The following CFAP58 variants were observed in gnomAD, a reference collection of about 807,000 sequenced individuals.
CFAP58 encodes the protein cilia- and flagella-associated protein 58.
CFAP58 carries 88 observed loss-of-function variants against 119.5 expected under a neutral mutation model. The ratio of observed to expected loss-of-function variants is 0.74; its 90% CI spans 0.62 to 0.88. The LOEUF (loss-of-function observed/expected upper bound fraction) is 0.88. CFAP58 is among the 40% of genes least tolerant of loss of function. The pLI, the probability that CFAP58 is intolerant of heterozygous loss-of-function variation, is 0.00. For synonymous variants in CFAP58, 365 were observed against 366.3 expected (o/e 1.00, Z 0.04); for missense variants, 990 against 1,021.2 (o/e 0.97, Z 0.42).
At chr10:104,377,579 G>A (rs564827008) in intron 8 of CFAP58, among the ~76,000 whole-genome samples, 1 of 152,274 alleles carries the variant, frequency 6.6e-6, no homozygotes, top group Admixed American at 6.5e-5. Flanking sequence ...TTTCTTCCAG[G>A]GAGGAAGAAG....
chr10:104,380,548 T>C (rs1355457070), intron 9 of CFAP58, among the ~76,000 whole-genome samples: 1 of 151,986 alleles, frequency 6.6e-6, no homozygotes, highest in Non-Finnish European at 1.5e-5. Flanking sequence ...ATCTCTCAAC[T>C]CTCCAGTCTC....
chr10:104,393,610 A>C, intron 11 of CFAP58, 135 bp downstream of exon 11: 2 of 754,358 alleles, frequency 2.7e-6, no homozygotes, highest in Non-Finnish European at 2.1e-6. Context: ...AGTTACCCAA[A>C]CCAAGCACAC....
intron 9 of CFAP58, among the ~76,000 whole-genome samples, chr10:104,387,123 C>T (rs1487769619): frequency 6.6e-6 from 1 of 152,198 alleles, no homozygotes; most frequent in Non-Finnish European, 1.5e-5. Context: ...GAATCCCAAA[C>T]CTTTTCCTAT....
rs1476800285 is a variant in CFAP58 at position 104,380,127 on chromosome 10, C to T, written c.1272C>T (p.Tyr424=). The change falls in exon 9 of 18, where the codon TAC becomes TAT. Residue 424 remains tyrosine, a synonymous_variant. Coordinates refer to ENST00000369704, the MANE Select transcript of CFAP58 (RefSeq NM_001008723.2). ...KRNLEGEIQN[Y]KDEAQKQRKI... is the part of the protein sequence containing the mutation. The stretch of plus-strand genomic sequence containing the variant: ...ACCTGGAGGGAGAAATCCAGAACTA[C>T]AAGGATGAGGCTCAGAAGCAGAGAA... The T allele has an allele frequency of 3.7e-6, 6 of 1,614,072 alleles. No individual in the cohort carries two copies. The highest frequency in any genetic ancestry group is 4.2e-6 in the Non-Finnish European group (5 of 1,179,982).
intron 5 of CFAP58, 104 bp from the exon 6 acceptor site, chr10:104,368,319 G>A: frequency 9.9e-7 from 1 of 1,010,614 alleles, no homozygotes; most frequent in Non-Finnish European, 1.4e-6. Flanking sequence ...AAAAACTCAG[G>A]GTTGCTGTTA....
chr10:104,392,353 T>A lies in CFAP58; in HGVS notation c.1486T>A (p.Ser496Thr), dbSNP rs11192036. 0.26 allele frequency: 412,497 copies of A among 1,606,194 alleles called. 54,219 individuals carry two copies. Among genetic ancestry groups the A allele is most frequent in the Non-Finnish European group, 0.27 (314,351 of 1,175,638 alleles). The change falls in exon 10 of 18, where the codon TCA (serine) becomes ACA (threonine). Residue 496 changes from serine to threonine, a missense_variant. Ser to Thr is a moderately conservative substitution (Grantham distance 58). Transcript: ENST00000369704. Reference protein sequence around the residue: ...QQQNLYEAVRSDRNLYSKNLV... With the variant: ...QQQNLYEAVRTDRNLYSKNLV... The stretch of plus-strand genomic sequence containing the variant: ...ACAGAACCTATATGAAGCTGTGAGA[T>A]CAGACAGAAATCTGTATAGCAAAAA...
chr10:104,398,381 C>G (rs969694796), intron 11 of CFAP58, among the ~76,000 whole-genome samples: 4 of 152,192 alleles, frequency 2.6e-5, no homozygotes, highest in African/African-American at 7.2e-5. Context: ...GCTCCATGAC[C>G]TTGGGCAAGT....
intron 15 of CFAP58, among the ~76,000 whole-genome samples, chr10:104,440,923 C>A (rs1349329603): frequency 1.3e-5 from 2 of 152,126 alleles, no homozygotes; most frequent in Admixed American, 6.5e-5. Flanking sequence ...TCTTTGGGAA[C>A]CTGGCATGAC....
chr10:104,368,588 C>T (rs2014782276), intron 6 of CFAP58, 28 bp downstream of exon 6: 4 of 1,611,574 alleles, frequency 2.5e-6, no homozygotes, highest in African/African-American at 1.3e-5. Context: ...TGTCTGTTCC[C>T]TAGCTCTTTC....
chr10:104,367,965 T>C (rs1047709095), intron 5 of CFAP58, among the ~76,000 whole-genome samples: 1 of 152,250 alleles, frequency 6.6e-6, no homozygotes, highest in Admixed American at 6.5e-5. Flanking sequence ...GTGTTGGTGT[T>C]AGTGAACAGT....
At chr10:104,442,955 A>G (rs1049985951) in intron 15 of CFAP58, among the ~76,000 whole-genome samples, 5 of 152,188 alleles carry the variant, frequency 3.3e-5, no homozygotes, top group Admixed American at 6.5e-5. Context: ...ATATATCTGT[A>G]CCTGTATTGA....
At chr10:104,380,586 AC>A (rs1294831631) in intron 9 of CFAP58, among the ~76,000 whole-genome samples, 18 of 152,222 alleles carry the variant, frequency 1.2e-4, no homozygotes, top group African/African-American at 4.3e-4. Flanking sequence ...TGTCACTGAA[AC>A]TTTTGTCCCC....
chr10:104,352,834 A>G (rs1589903738), upstream of CFAP58, among the ~76,000 whole-genome samples: 1 of 152,242 alleles, frequency 6.6e-6, no homozygotes, highest in African/African-American at 2.4e-5. Context: ...ATGCTTGCCA[A>G]TCGCAACGAG....
rs1444229527 is a variant in CFAP58 at position 104,357,858 on chromosome 10, CACATATAT to C, written c.10-479_10-472del. On this transcript the variant is annotated intron_variant, in intron 1 of 17. Transcript: ENST00000369704. Reference sequence around the variant, plus strand: ...ATGTACACATATGTACACATATATACACATATATACACATATATGTACACATATATAAA... The same window carrying C: ...ATGTACACATATGTACACATATATACACACATATATGTACACATATATAAA... Among the ~76,000 whole-genome samples the C allele has an allele frequency of 5.2e-4, 40 of 77,452 alleles. 1 individual carries two copies. The highest frequency in any genetic ancestry group is 2.0e-3 in the African/African-American group (23 of 11,536). The allele number at this position is 77,452 out of a possible 152,430, so 50.8% of individuals were successfully genotyped here. A position where few individuals can be genotyped will look rare whatever the true frequency, so the allele number is the denominator to read the frequency against.
In CFAP58 at chr10:104,428,891, G is replaced by T. The variant is rs142208840; in HGVS notation, c.2257-18807G>T. Reference sequence around the variant, plus strand: ...TTAGATCAGGCCATCTGCCGAGCAAGTATGTTGGAGGTGAGACTGGGATCC... The same window carrying T: ...TTAGATCAGGCCATCTGCCGAGCAATTATGTTGGAGGTGAGACTGGGATCC... On this transcript the variant is annotated intron_variant, in intron 15 of 17. Coordinates refer to ENST00000369704, the MANE Select transcript of CFAP58 (RefSeq NM_001008723.2). Among the ~76,000 whole-genome samples the T allele has an allele frequency of 3.6e-3, 556 of 152,352 alleles. 4 individuals are homozygous for T. Among genetic ancestry groups the T allele is most frequent in the African/African-American group, 0.011 (464 of 41,578 alleles).
intron 7 of CFAP58, among the ~76,000 whole-genome samples, chr10:104,374,369 G>GAGGTTGCA (rs1161156128): frequency 6.7e-6 from 1 of 149,846 alleles, no homozygotes; most frequent in Non-Finnish European, 1.5e-5. Flanking sequence ...CAACTACTCA[G>GAGGTTGCA]GGGGCTGAGA....
intron 15 of CFAP58, among the ~76,000 whole-genome samples, chr10:104,432,167 T>A (rs1248452995): frequency 6.6e-6 from 1 of 151,640 alleles, no homozygotes; most frequent in South Asian, 2.1e-4. Context: ...TAAAACATCA[T>A]CAGAATAGTA....
upstream of CFAP58, among the ~76,000 whole-genome samples, chr10:104,352,520 G>C (rs2014472161): frequency 6.6e-6 from 1 of 151,412 alleles, no homozygotes; most frequent in Non-Finnish European, 1.5e-5. Context: ...ACGGGAAAGA[G>C]AGTAGAGACA....
At chr10:104,438,607 C>T (rs2012984004) in intron 15 of CFAP58, among the ~76,000 whole-genome samples, 1 of 151,968 alleles carries the variant, frequency 6.6e-6, no homozygotes, top group South Asian at 2.1e-4. Flanking sequence ...GATCCCCTGA[C>T]CTCATGATCC....
Sources: allele counts gnomAD v4.1 joint callset (sites outside exome capture counted in the v4.1 genomes callset), GRCh38; gene constraint gnomAD v4.1.1; transcripts MANE v1.5; gene names NCBI Gene and HGNC (gene_info 2026-07-23, HGNC 2026-07-21).